The following ACVR1C variants were observed in gnomAD, a reference collection of about 807,000 sequenced individuals.
The protein encoded by ACVR1C is activin A receptor type 1C.
A neutral mutation model predicts 57.9 loss-of-function variants in ACVR1C; 23 were observed. That is an observed-to-expected ratio of 0.40 (90% confidence interval 0.29 to 0.56). The LOEUF (loss-of-function observed/expected upper bound fraction) is 0.56. Among genes scored for constraint, ACVR1C ranks in the 20% least tolerant of loss-of-function variants. The pLI is 0.50. For synonymous variants in ACVR1C, 214 were observed against 215.3 expected, an observed-to-expected ratio of 0.99 and a Z score of 0.05; for missense variants, 480 against 607.9, an observed-to-expected ratio of 0.79 and a Z score of 2.21.
intron 6 of ACVR1C, among the ~76,000 whole-genome samples, chr2:157,541,881 G>C (rs748331900): frequency 1.3e-4 from 20 of 152,104 alleles, no homozygotes; most frequent in Non-Finnish European, 2.6e-4. Context: ...AAAATAGTTT[G>C]GTTGTTTCTA....
chr2:157,566,451 G>C (rs957568269), intron 2 of ACVR1C, among the ~76,000 whole-genome samples: 13 of 152,174 alleles, frequency 8.5e-5, no homozygotes, highest in African/African-American at 2.4e-4. Flanking sequence ...CTGAGGTACC[G>C]GGTTCATCTC....
intron 8 of ACVR1C, among the ~76,000 whole-genome samples, chr2:157,536,044 G>A (rs1045300996): frequency 6.6e-6 from 1 of 152,110 alleles, no homozygotes; most frequent in Non-Finnish European, 1.5e-5. Context: ...TAGAAAACTC[G>A]ATGGATGAGT....
chr2:157,585,711 G>C (rs1266870984), intron 2 of ACVR1C, among the ~76,000 whole-genome samples: 2 of 152,056 alleles, frequency 1.3e-5, no homozygotes, highest in East Asian at 3.8e-4. Flanking sequence ...GGTGTCTCTG[G>C]AGCACAGATA....
chr2:157,549,184 G>C (rs1428417582), intron 4 of ACVR1C, among the ~76,000 whole-genome samples: 1 of 151,960 alleles, frequency 6.6e-6, no homozygotes, highest in Non-Finnish European at 1.5e-5. Context: ...TGAAAACCCT[G>C]TCTCTACTAA....
chr2:157,616,274 A>G lies in ACVR1C; in HGVS notation c.73+12298T>C, dbSNP rs1682648159. Among the ~76,000 whole-genome samples the G allele has an allele frequency of 2.0e-5, 3 of 152,080 alleles. No homozygotes were observed. The South Asian group carries it at 6.2e-4, about 31-fold the overall frequency. ...AATGGCTTTAAACAAGTATAAGTAC[A>G]CTATTATAAGGTAATTTCTAGTGAT... On this transcript the variant is annotated intron_variant, in intron 1 of 8. Transcript: ENST00000243349.
rs547361479 is a variant in ACVR1C, at chr2:157,597,197, C to A, written c.74-9780G>T. Among the ~76,000 whole-genome samples the A allele has an allele frequency of 6.6e-5, 10 of 152,324 alleles. 1 individual carries two copies. Among genetic ancestry groups the A allele is most frequent in the African/African-American group, 2.4e-4 (10 of 41,584 alleles). On this transcript the variant is annotated intron_variant, in intron 1 of 8. Coordinates refer to ENST00000243349, the MANE Select transcript of ACVR1C (RefSeq NM_145259.3). Reference sequence around the variant, plus strand: ...TCACCAGGCAGTGTGGAAATACCTCCTGCTGCGACGCGGCCCTGCATGTGC... The same window carrying A: ...TCACCAGGCAGTGTGGAAATACCTCATGCTGCGACGCGGCCCTGCATGTGC...
intron 3 of ACVR1C, among the ~76,000 whole-genome samples, chr2:157,555,465 G>A (rs930954079): frequency 3.9e-5 from 6 of 152,198 alleles, no homozygotes; most frequent in Non-Finnish European, 7.3e-5. Context: ...CATTAAAGAG[G>A]AAGACAGTCA....
intron 3 of ACVR1C, among the ~76,000 whole-genome samples, chr2:157,555,187 C>T (rs1291969956): frequency 3.7e-5 from 5 of 136,740 alleles, no homozygotes; most frequent in Admixed American, 7.8e-5. Flanking sequence ...GGCGCAATCT[C>T]GGCTCACTGC....
intron 1 of ACVR1C, among the ~76,000 whole-genome samples, chr2:157,588,753 C>T (rs992400659): frequency 1.3e-5 from 2 of 150,084 alleles, no homozygotes; most frequent in African/African-American, 4.9e-5. Flanking sequence ...CATCAGAAGT[C>T]GCTGCAAGAG....
At chr2:157,579,295 C>A (rs1212372988) in intron 2 of ACVR1C, among the ~76,000 whole-genome samples, 1 of 152,128 alleles carries the variant, frequency 6.6e-6, no homozygotes, top group East Asian at 1.9e-4. Context: ...TATTTGTCAT[C>A]CTCTCTTCCA....
At chr2:157,601,883 C>T (rs927361222) in intron 1 of ACVR1C, among the ~76,000 whole-genome samples, 3 of 152,110 alleles carry the variant, frequency 2.0e-5, no homozygotes, top group African/African-American at 7.2e-5. Context: ...CTAGATAACA[C>T]ATTTAACACA....
At position 157,587,396 on chromosome 2, in the gene ACVR1C, A is replaced by T. The variant is rs752436816; in HGVS notation, c.95T>A (p.Leu32Ter). Reference protein sequence around the residue: ...LSPGLKCVCLLCDSSNFTCQT... With the variant: ...LSPGLKCVCL Reference sequence around the variant, plus strand: ...GCAGGTGAAGTTTGAAGAATCACACAAAAGACATACACACTTCAGTCCTGG... The same window carrying T: ...GCAGGTGAAGTTTGAAGAATCACACTAAAGACATACACACTTCAGTCCTGG... The change falls in exon 2 of 9, where the codon TTG becomes TAG. Residue 32 changes from leucine (L) to a stop codon, truncating the protein, a stop_gained. Transcript: ENST00000243349. LOFTEE classifies it high-confidence loss of function. 2.8e-5 allele frequency: 45 copies of T among 1,613,246 alleles called. No homozygotes were observed. Among genetic ancestry groups the T allele is most frequent in the Non-Finnish European group, 3.1e-5 (37 of 1,179,286 alleles).
At chr2:157,599,300 C>CTACA (rs1401457288) in intron 1 of ACVR1C, among the ~76,000 whole-genome samples, 5 of 105,840 alleles carry the variant, frequency 4.7e-5, no homozygotes, top group African/African-American at 1.9e-4. Context: ...CGCCACTGCA[C>CTACA]TACAGCCTGG....
At chr2:157,574,503 T>C (rs1221446622) in intron 2 of ACVR1C, among the ~76,000 whole-genome samples, 2 of 152,192 alleles carry the variant, frequency 1.3e-5, no homozygotes, top group Non-Finnish European at 2.9e-5. Context: ...AGCAGACTCT[T>C]AATGTTTAAC....
intron 1 of ACVR1C, among the ~76,000 whole-genome samples, chr2:157,618,955 G>C (rs961381963): frequency 1.3e-5 from 2 of 151,792 alleles, no homozygotes; most frequent in African/African-American, 4.8e-5. Flanking sequence ...GTAAATTAGA[G>C]ATGTCAACAA....
At chr2:157,580,811 A>G (rs1448271222) in intron 2 of ACVR1C, among the ~76,000 whole-genome samples, 3 of 152,206 alleles carry the variant, frequency 2.0e-5, no homozygotes, top group Non-Finnish European at 4.4e-5. Context: ...AAACAGTGAA[A>G]GGTCAGATCA....
intron 1 of ACVR1C, among the ~76,000 whole-genome samples, chr2:157,610,560 G>A (rs1682509217): frequency 6.6e-6 from 1 of 152,128 alleles, no homozygotes; most frequent in Non-Finnish European, 1.5e-5. Flanking sequence ...ACTGGGCCCT[G>A]TATTTGAATG....
chr2:157,554,838 C>A (rs1688054890), intron 3 of ACVR1C, among the ~76,000 whole-genome samples: 1 of 151,880 alleles, frequency 6.6e-6, no homozygotes, highest in Non-Finnish European at 1.5e-5. Context: ...GATGCAGGGG[C>A]CTCTGAAGTG....
chr2:157,582,492 T>C (rs1211118722), intron 2 of ACVR1C, among the ~76,000 whole-genome samples: 1 of 152,212 alleles, frequency 6.6e-6, no homozygotes, highest in African/African-American at 2.4e-5. Context: ...CTCATGAAGC[T>C]ACTTTTTAAA....
Sources: gnomAD v4.1 joint callset for allele counts (sites outside exome capture counted in the v4.1 genomes callset) on GRCh38, gnomAD v4.1.1 for gene constraint, MANE v1.5 for transcripts, NCBI Gene and HGNC (gene_info 2026-07-23, HGNC 2026-07-21) for gene names.